Variants in RABL2A observed in about 807,000 individuals in gnomAD.
The protein encoded by RABL2A is rab-like protein 2A.
RABL2A carries 17 observed loss-of-function variants against 30.7 expected under a neutral mutation model. The observed-to-expected ratio is 0.55, with a 90% CI of 0.38 to 0.83. The LOEUF (loss-of-function observed/expected upper bound fraction) is 0.83. RABL2A is among the 40% of genes least tolerant of loss of function. The pLI is 0.00. For missense variants in RABL2A, 155 were observed against 272.6 expected (o/e 0.57, Z 3.04); for synonymous variants, 64 against 101.8 (o/e 0.63, Z 2.24).
Position 113,634,967 on chromosome 2 carries a change from G to C in RABL2A, c.218-84G>C. 3 of 1,519,134 alleles carry C rather than the reference G, an allele frequency of 2.0e-6. No homozygotes were observed. In the South Asian group the frequency reaches 3.4e-5, roughly 17 times the overall value. 94.1% of individuals were successfully genotyped at this position (1,519,134 alleles called of 1,614,324 possible). ...CCATGTACACTCACACATGTGCTGT[G>C]GTTTGTGCCGCATGTGTGTTGTATC... On this transcript the variant is annotated intron_variant, in intron 4 of 8. Transcript: ENST00000683472.
chr2:113,633,242 C>G, intron 3 of RABL2A: 2 of 506,106 alleles, frequency 4.0e-6, no homozygotes, highest in Admixed American at 5.9e-5. Context: ...AACCCCACCT[C>G]CTCCTCCTCA....
intron 4 of RABL2A, 91 bp downstream of exon 4, chr2:113,634,323 C>G: frequency 6.5e-7 from 1 of 1,529,016 alleles, no homozygotes; most frequent in Non-Finnish European, 8.9e-7. Flanking sequence ...AGGAGAGAGT[C>G]CAGAGGGAGA....
chr2:113,629,875 A>G (rs986927600), intron 2 of RABL2A, among the ~76,000 whole-genome samples: 1 of 151,992 alleles, frequency 6.6e-6, no homozygotes, highest in African/African-American at 2.4e-5. Context: ...GACCATCCTC[A>G]ACAGCACGCC....
At chr2:113,634,954 A>G in intron 4 of RABL2A, 97 bp from the exon 5 acceptor site, 1 of 1,331,724 alleles carries the variant, frequency 7.5e-7, no homozygotes. Context: ...ATGTACACTC[A>G]CACATGTGCT....
In RABL2A at chr2:113,630,906, G is replaced by T. The variant is rs532909384; in HGVS notation, c.108-2009G>T. On this transcript the variant is annotated intron_variant, in intron 2 of 8. Transcript: ENST00000683472. ...GACATGGTGTTTTTTTGTTTTTTTG[G>T]TTTTTTTTTGAGACAGAGTCTTGCT... Among the ~76,000 whole-genome samples, 22 of 150,340 alleles carry T rather than the reference G, an allele frequency of 1.5e-4. No individual in the cohort carries two copies. In the South Asian group the frequency reaches 3.4e-3, roughly 23 times the overall value.
At chr2:113,637,720 G>A (rs531372945) in intron 5 of RABL2A, 1 of 1,264,514 alleles carries the variant, frequency 7.9e-7, no homozygotes, top group Admixed American at 2.6e-5. Flanking sequence ...ACCCTCAAGA[G>A]CAGAGGAGCT....
rs1254488390 is a variant in RABL2A, at chr2:113,634,189, G to C, written c.174G>C (p.Leu58=). The C allele has an allele frequency of 1.2e-6, 2 of 1,612,776 alleles. No individual in the cohort carries two copies. Among genetic ancestry groups the C allele is most frequent in the South Asian group, 2.2e-5 (2 of 90,764 alleles). The change falls in exon 4 of 9, where the codon CTG becomes CTC. Residue 58 remains leucine, a synonymous_variant. Coordinates refer to ENST00000683472, the MANE Select transcript of RABL2A (RefSeq NM_001306158.2). The part of the protein sequence containing the change: ...PQQLSTYALT[L]YKHTATVDGK... ...AGCTGTCCACGTACGCCCTGACCCT[G>C]TACAAGCACACAGCCACGGTAGATG... is the stretch of plus-strand genomic sequence containing the variant.
At chr2:113,635,022 A>C (rs369408122) in intron 4 of RABL2A, 29 bp from the exon 5 acceptor site, 2 of 1,614,076 alleles carry the variant, frequency 1.2e-6, no homozygotes, top group African/African-American at 1.3e-5. Flanking sequence ...TGCACCAGGC[A>C]TGTAGGTCTG....
chr2:113,639,285 C>A (rs1417895581), intron 5 of RABL2A, among the ~76,000 whole-genome samples: 1 of 150,826 alleles, frequency 6.6e-6, no homozygotes, highest in Non-Finnish European at 1.5e-5. Context: ...GACCCTATCT[C>A]AAAAAACAAA....
chr2:113,632,782 C>G, intron 2 of RABL2A, 133 bp from the exon 3 acceptor site: 1 of 1,224,806 alleles, frequency 8.2e-7, no homozygotes, highest in African/African-American at 1.5e-5. Context: ...GACCCGGAAG[C>G]TGTGTGGCTG....
chr2:113,631,918 A>C (rs1680511179), intron 2 of RABL2A, among the ~76,000 whole-genome samples: 1 of 151,454 alleles, frequency 6.6e-6, no homozygotes, highest in African/African-American at 2.4e-5. Flanking sequence ...TACGTGATCT[A>C]AGAAGATGAT....
At position 113,634,141 on chromosome 2, in the gene RABL2A, A is replaced by C. The variant is rs1574006587; in HGVS notation, c.138-12A>C. The C allele has an allele frequency of 6.2e-7, 1 of 1,605,176 alleles. No individual in the cohort carries two copies. The highest frequency in any genetic ancestry group is 8.5e-7 in the Non-Finnish European group (1 of 1,175,730). On this transcript the variant is annotated splice_polypyrimidine_tract_variant and intron_variant, in intron 3 of 8. Transcript: ENST00000683472. Reference sequence around the variant, plus strand: ...CCCCTTTTATTGATTTTGCTCCTTAACCTGAGTGCAGTCAGCCACAGCAGC... The same window carrying C: ...CCCCTTTTATTGATTTTGCTCCTTACCCTGAGTGCAGTCAGCCACAGCAGC...
At chr2:113,630,918 G>A (rs889682950) in intron 2 of RABL2A, among the ~76,000 whole-genome samples, 2 of 151,338 alleles carry the variant, frequency 1.3e-5, no homozygotes, top group Non-Finnish European at 2.9e-5. Flanking sequence ...TTTTTTTTGA[G>A]ACAGAGTCTT....
intron 2 of RABL2A, among the ~76,000 whole-genome samples, chr2:113,632,440 C>T (rs1559136764): frequency 6.6e-6 from 1 of 152,200 alleles, no homozygotes; most frequent in Non-Finnish European, 1.5e-5. Flanking sequence ...GGATTACAGG[C>T]GTGTGTCGCC....
intron 5 of RABL2A, chr2:113,640,681 A>G: frequency 1.7e-6 from 1 of 583,150 alleles, no homozygotes; most frequent in Non-Finnish European, 2.9e-6. Flanking sequence ...TGGGCCAAGA[A>G]TAAGATTTTT....
intron 4 of RABL2A, 163 bp from the exon 5 acceptor site, chr2:113,634,888 T>C: frequency 2.3e-6 from 2 of 868,740 alleles, no homozygotes; most frequent in Non-Finnish European, 3.7e-6. Flanking sequence ...AGGTGCACTG[T>C]GTCTTGAAGA....
chr2:113,636,916 G>A (rs1417777401), intron 5 of RABL2A, among the ~76,000 whole-genome samples: 1 of 151,926 alleles, frequency 6.6e-6, no homozygotes, highest in South Asian at 2.1e-4. Context: ...GTGAACCCAG[G>A]AGGCGGAGCT....
intron 2 of RABL2A, 131 bp from the exon 3 acceptor site, chr2:113,632,784 G>T (rs1680901234): frequency 1.6e-6 from 2 of 1,246,586 alleles, no homozygotes; most frequent in Admixed American, 1.8e-5. Flanking sequence ...CCCGGAAGCT[G>T]TGTGGCTGTG....
chr2:113,636,798 C>CTAACT (rs1222851395), intron 5 of RABL2A, among the ~76,000 whole-genome samples: 6 of 152,006 alleles, frequency 3.9e-5, no homozygotes. Context: ...ACCATCCTGG[C>CTAACT]TAACACAGTG....
Sources: gnomAD v4.1 joint callset for allele counts (sites outside exome capture counted in the v4.1 genomes callset) on GRCh38, gnomAD v4.1.1 for gene constraint, MANE v1.5 for transcripts, NCBI Gene and HGNC (gene_info 2026-07-23, HGNC 2026-07-21) for gene names.